Variants in BCL11B observed in about 807,000 individuals in gnomAD.
BCL11B encodes BCL11 transcription factor B.
A neutral mutation model predicts 49.9 loss-of-function variants in BCL11B; 8 were observed. The observed-to-expected ratio is 0.16, with a 90% CI of 0.09 to 0.29. The LOEUF is 0.29. Ranked by LOEUF, BCL11B falls within the 10% of genes least tolerant of loss-of-function variation. BCL11B has a pLI of 1.00. For missense variants in BCL11B, 1,006 were observed against 1,351.0 expected (o/e 0.74, Z 4.00); for synonymous variants, 739 against 637.4 (o/e 1.16, Z -2.40).
At chr14:99,258,934 A>T (rs1247503181) in intron 1 of BCL11B, among the ~76,000 whole-genome samples, 1 of 152,138 alleles carries the variant, frequency 6.6e-6, no homozygotes. Context: ...CTAGGACCCA[A>T]ATATTTGGAA....
At chr14:99,234,880 A>AAAAAAAAG (rs143975117) in intron 2 of BCL11B, among the ~76,000 whole-genome samples, 10 of 119,926 alleles carry the variant, frequency 8.3e-5, no homozygotes, top group Non-Finnish European at 1.5e-4. Flanking sequence ...AAAAAAAAAA[A>AAAAAAAAG]GTCTAAAAAT....
rs761771538 is a variant in BCL11B at position 99,257,802 on chromosome 14, T to C, written c.96A>G (p.Glu32=). The change falls in exon 2 of 4, where the codon GAA becomes GAG. Residue 32 remains glutamate, a synonymous_variant. Transcript: ENST00000357195. This position sits in a 1 kb window ranked among gnomAD's most constrained non-coding sequence, Gnocchi z 6.2. The stretch of plus-strand genomic sequence containing the variant: ...GCTCCTCTATCTCCAGACCCTCGTC[T>C]TCTTCGAGGATGGCGGCCTCCACAT... ...ADHVEAAILE[E]DEGLEIEEPS... is the part of the protein sequence containing the mutation. The C allele has an allele frequency of 6.4e-7, 1 of 1,557,598 alleles. No homozygotes were observed. The highest frequency in any genetic ancestry group is 1.9e-5 in the Admixed American group (1 of 53,176).
At chr14:99,222,517 C>G (rs950527250) in intron 3 of BCL11B, among the ~76,000 whole-genome samples, 3 of 152,190 alleles carry the variant, frequency 2.0e-5, no homozygotes, top group Admixed American at 2.0e-4. Context: ...ATGCCAAGTC[C>G]CTGACTCCCA....
chr14:99,216,511 A>G (rs985192236), intron 3 of BCL11B, among the ~76,000 whole-genome samples: 1 of 152,126 alleles, frequency 6.6e-6, no homozygotes, highest in African/African-American at 2.4e-5. Flanking sequence ...GACTGGCCAC[A>G]TTTCCCAGCA....
At chr14:99,264,428 TG>T (rs1455338743) in intron 1 of BCL11B, 3 of 152,178 alleles carry the variant, frequency 2.0e-5, no homozygotes, top group African/African-American at 7.2e-5. Flanking sequence ...ATTTCACAAA[TG>T]TATTTATTTG....
At chr14:99,199,023 TC>T (rs1391757017) in intron 3 of BCL11B, among the ~76,000 whole-genome samples, 1 of 152,114 alleles carries the variant, frequency 6.6e-6, no homozygotes, top group African/African-American at 2.4e-5. Context: ...TCCAAAACAA[TC>T]ATTTTTTAAA....
chr14:99,230,879 G>A (rs1294514865), intron 3 of BCL11B, among the ~76,000 whole-genome samples: 2 of 152,100 alleles, frequency 1.3e-5, no homozygotes, highest in Non-Finnish European at 2.9e-5. Context: ...AAGCTAATGG[G>A]CAACACATTC....
In BCL11B at chr14:99,173,902, A is replaced by C. The variant is rs1245437621; in HGVS notation, c.*249T>G. The stretch of plus-strand genomic sequence containing the variant: ...TAAAAAGTACCTGCACATGCCAAAA[A>C]AATTACAAAACCCAATAAATACAGA... On this transcript the variant is annotated 3_prime_UTR_variant, in exon 4 of 4. Transcript: ENST00000357195. 6 of 534,828 alleles carry C rather than the reference A, an allele frequency of 1.1e-5. No homozygotes were observed. Among genetic ancestry groups the C allele is most frequent in the South Asian group, 2.5e-5 (1 of 39,984 alleles). The allele number at this position is 534,828 out of a possible 1,614,324, so 33.1% of individuals were successfully genotyped here. A position where few individuals can be genotyped will look rare whatever the true frequency, so the allele number is the denominator to read the frequency against.
chr14:99,269,727 A>G (rs1191930981), intron 1 of BCL11B, among the ~76,000 whole-genome samples: 1 of 151,128 alleles, frequency 6.6e-6, no homozygotes, highest in Non-Finnish European at 1.5e-5. Flanking sequence ...CCCGGCAGCC[A>G]GTCCTCTGCG....
chr14:99,172,013 T>G lies in BCL11B; in HGVS notation c.*2138A>C, dbSNP rs547695819. 4.4e-4 allele frequency: 93 copies of G among 210,002 alleles called. No individual in the cohort carries two copies. The highest frequency in any genetic ancestry group is 7.6e-4 in the Non-Finnish European group (78 of 103,240). 13.0% of individuals were successfully genotyped at this position (210,002 alleles called of 1,614,324 possible). ...CAATATACACGCGGCCACTGTGGCATTTTTGTATAACCTATTAAGCAAACT... is the reference window on the plus strand; with the variant it reads ...CAATATACACGCGGCCACTGTGGCAGTTTTGTATAACCTATTAAGCAAACT... On this transcript the variant is annotated 3_prime_UTR_variant, in exon 4 of 4. Coordinates refer to ENST00000357195, the MANE Select transcript of BCL11B (RefSeq NM_138576.4).
intron 2 of BCL11B, among the ~76,000 whole-genome samples, chr14:99,236,632 G>T (rs1050157677): frequency 6.6e-6 from 1 of 152,094 alleles, no homozygotes; most frequent in Non-Finnish European, 1.5e-5. Flanking sequence ...GAGAGCTCAG[G>T]CCTCCTGGAG....
At chr14:99,256,783 G>A (rs952237754) in intron 2 of BCL11B, among the ~76,000 whole-genome samples, 1 of 152,174 alleles carries the variant, frequency 6.6e-6, no homozygotes, top group East Asian at 1.9e-4. Flanking sequence ...GAGTGAGCAT[G>A]TCAAAGGGCA....
In BCL11B at chr14:99,176,307, C is replaced by G. The variant is rs1436748473; in HGVS notation, c.641-112G>C. The G allele has an allele frequency of 4.3e-5, 44 of 1,029,666 alleles. No homozygotes were observed. The South Asian group carries it at 6.9e-4, about 16-fold the overall frequency. 63.8% of individuals were successfully genotyped at this position (1,029,666 alleles called of 1,614,324 possible). A position where few individuals can be genotyped will look rare whatever the true frequency, so the allele number is the denominator to read the frequency against. On this transcript the variant is annotated intron_variant, in intron 3 of 3. Transcript: ENST00000357195. Reference sequence around the variant, plus strand: ...CGCGGCCCGGGCTGATCCGGGATCCCAGTGCCCTGCCTGACAGGGGCTGCA... The same window carrying G: ...CGCGGCCCGGGCTGATCCGGGATCCGAGTGCCCTGCCTGACAGGGGCTGCA...
chr14:99,227,251 C>T (rs1888185146), intron 3 of BCL11B, among the ~76,000 whole-genome samples: 1 of 152,172 alleles, frequency 6.6e-6, no homozygotes, highest in East Asian at 1.9e-4. Flanking sequence ...TCCCATTCCG[C>T]TCGTGCATGG....
rs555653031 is a variant in BCL11B, at chr14:99,250,818, G to A, written c.427+6653C>T. On this transcript the variant is annotated intron_variant, in intron 2 of 3. Coordinates refer to ENST00000357195, the MANE Select transcript of BCL11B (RefSeq NM_138576.4). ...CCTGTTTCCTGAATTACTGCTGGAA[G>A]TATGGAACTACGTACATAAAACAAT... Among the ~76,000 whole-genome samples the A allele has an allele frequency of 4.6e-4, 70 of 151,726 alleles. 1 individual carries two copies. Among genetic ancestry groups the A allele is most frequent in the African/African-American group, 1.6e-3 (68 of 41,316 alleles).
intron 3 of BCL11B, among the ~76,000 whole-genome samples, chr14:99,211,199 G>A (rs926980278): frequency 1.3e-5 from 2 of 152,182 alleles, no homozygotes; most frequent in Non-Finnish European, 2.9e-5. Context: ...GCAAAGCCAG[G>A]TCTGCCCCAG....
At chr14:99,230,807 A>C (rs1595267473) in intron 3 of BCL11B, among the ~76,000 whole-genome samples, 1 of 148,070 alleles carries the variant, frequency 6.8e-6, no homozygotes, top group African/African-American at 2.5e-5. Context: ...ACAGTGTTTC[A>C]CTCCCTCTCG....
In BCL11B at chr14:99,205,777, T is replaced by C. The variant is rs75678792; in HGVS notation, c.640+25568A>G. ...AATTAAAAGAAAATAACAGCACACA[T>C]ACCAGTTCCCGGGAGCAGTATGGTT... On this transcript the variant is annotated intron_variant, in intron 3 of 3. Coordinates refer to ENST00000357195, the MANE Select transcript of BCL11B (RefSeq NM_138576.4). This position sits in a 1 kb window ranked among gnomAD's most constrained non-coding sequence, Gnocchi z 5.0. 1.5e-3 allele frequency among the ~76,000 whole-genome samples: 226 copies of C among 152,202 alleles called. No individual in the cohort carries two copies. Among genetic ancestry groups the C allele is most frequent in the Non-Finnish European group, 2.5e-3 (169 of 68,010 alleles).
At position 99,171,611 on chromosome 14, in the gene BCL11B, T is replaced by A. The variant is rs541334331; in HGVS notation, c.*2540A>T. ...AAATAAGTACAGGTCAGAAATGTGA[T>A]TTTTTTTTTTTCTGCAAAGCAATAA... is the stretch of plus-strand genomic sequence containing the variant. On this transcript the variant is annotated 3_prime_UTR_variant, in exon 4 of 4. Coordinates refer to ENST00000357195, the MANE Select transcript of BCL11B (RefSeq NM_138576.4). The A allele has an allele frequency of 5.6e-4, 93 of 166,826 alleles. 1 individual carries two copies. The highest frequency in any genetic ancestry group is 2.2e-3 in the African/African-American group (79 of 35,618). The allele number at this position is 166,826 out of a possible 1,614,324, so 10.3% of individuals were successfully genotyped here.
Sources: allele counts gnomAD v4.1 joint callset (sites outside exome capture counted in the v4.1 genomes callset), GRCh38; gene constraint gnomAD v4.1.1; non-coding constraint Gnocchi (gnomAD v3.1); transcripts MANE v1.5; gene names NCBI Gene and HGNC (gene_info 2026-07-23, HGNC 2026-07-21).